IFT140: variants seen among roughly 807,000 people sequenced by gnomAD.
IFT140 encodes intraflagellar transport protein 140 homolog.
In IFT140, 133 loss-of-function variants were observed where a neutral mutation model predicts 164.6. The observed-to-expected ratio is 0.81, with a 90% CI of 0.70 to 0.93. The LOEUF (loss-of-function observed/expected upper bound fraction) is 0.93, where lower values mean the gene tolerates loss of function less well. Ranked by LOEUF, IFT140 falls within the 40% of genes least tolerant of loss-of-function variation. The pLI, the probability that IFT140 is intolerant of heterozygous loss-of-function variation, is 0.00. For synonymous variants in IFT140, 860 were observed against 817.3 expected (o/e 1.05, Z -0.89); for missense variants, 2,045 against 1,972.3 (o/e 1.04, Z -0.70).
intron 19 of IFT140, chr16:1,542,058 G>T (rs772107738): frequency 2.5e-6 from 4 of 1,607,962 alleles, no homozygotes; most frequent in Non-Finnish European, 2.5e-6. Flanking sequence ...GGCCATGGCC[G>T]CTGCATTCCA....
chr16:1,522,034 C>T (rs1024318167), intron 26 of IFT140, among the ~76,000 whole-genome samples: 4 of 151,638 alleles, frequency 2.6e-5, no homozygotes, highest in Non-Finnish European at 5.9e-5. Context: ...ACCAGCCTGA[C>T]CAACATGGAG....
chr16:1,596,587 C>T (rs762040401), intron 4 of IFT140, among the ~76,000 whole-genome samples: 4 of 152,160 alleles, frequency 2.6e-5, no homozygotes, highest in African/African-American at 7.2e-5. Context: ...AGCAAACCCT[C>T]GTTCTGAGAG....
In IFT140 at chr16:1,571,387, T is replaced by C; in HGVS notation, c.1652+20A>G. The C allele has an allele frequency of 1.9e-6, 3 of 1,608,308 alleles. No individual in the cohort carries two copies. Among genetic ancestry groups the C allele is most frequent in the Non-Finnish European group, 2.5e-6 (3 of 1,178,268 alleles). On this transcript the variant is annotated intron_variant, in intron 14 of 30. Coordinates refer to ENST00000426508, the MANE Select transcript of IFT140 (RefSeq NM_014714.4). ...CTGACTAAAAAAATGTTCACACTTCTATTTGGAAAAAAAATTTACCTTCGG... is the reference window on the plus strand; with the variant it reads ...CTGACTAAAAAAATGTTCACACTTCCATTTGGAAAAAAAATTTACCTTCGG...
chr16:1,608,292 T>C (rs143775721), intron 2 of IFT140, among the ~76,000 whole-genome samples: 176 of 152,178 alleles, frequency 1.2e-3, no homozygotes, highest in Middle Eastern at 0.01. Context: ...CCTCAGTCAA[T>C]TTGGGGAAGT....
chr16:1,607,830 G>A (rs1348661459), intron 2 of IFT140, among the ~76,000 whole-genome samples: 1 of 152,160 alleles, frequency 6.6e-6, no homozygotes. Flanking sequence ...AATTTGTGTA[G>A]ACACAAGGTT....
intron 10 of IFT140, 101 bp downstream of exon 10, chr16:1,586,029 C>T: frequency 1.4e-6 from 2 of 1,452,560 alleles, no homozygotes; most frequent in South Asian, 1.1e-5. Flanking sequence ...CCTTGGCCTC[C>T]CAAAGTGCTG....
chr16:1,564,431 G>T lies in IFT140; in HGVS notation c.1902-269C>A, dbSNP rs1164585768. Among the ~76,000 whole-genome samples, 2 of 152,182 alleles carry T rather than the reference G, an allele frequency of 1.3e-5. No homozygotes were observed. The highest frequency in any genetic ancestry group is 1.5e-5 in the Non-Finnish European group (1 of 68,032). ...CTTTGATTCTGGAGGCCTTATGGGG[G>T]CCCAGAAGAATCCCCAAAGCAAAAG... On this transcript the variant is annotated intron_variant, in intron 16 of 30. Transcript: ENST00000426508. This position sits in a 1 kb window ranked among gnomAD's most constrained non-coding sequence, Gnocchi z 5.5.
At chr16:1,570,607 C>T (rs34016250) in intron 14 of IFT140, among the ~76,000 whole-genome samples, 1 of 152,204 alleles carries the variant, frequency 6.6e-6, no homozygotes, top group East Asian at 1.9e-4. Context: ...TTCCTTCGGC[C>T]TAAGTGCTCG....
intron 15 of IFT140, 77 bp from the exon 16 acceptor site, chr16:1,566,368 C>T (rs2033717968): frequency 6.9e-7 from 1 of 1,447,842 alleles, no homozygotes; most frequent in African/African-American, 1.4e-5. Flanking sequence ...AGGGGACTGA[C>T]ACAGCACATG....
intron 19 of IFT140, among the ~76,000 whole-genome samples, chr16:1,543,003 G>A (rs2050118): frequency 0.25 from 38,726 of 152,184 alleles, 5,504 homozygotes; most frequent in African/African-American, 0.37. Flanking sequence ...GACCCCCAGC[G>A]ACCCCAGGGG....
intron 26 of IFT140, among the ~76,000 whole-genome samples, chr16:1,521,563 A>AT (rs895633332): frequency 3.3e-5 from 5 of 150,342 alleles, no homozygotes; most frequent in African/African-American, 9.8e-5. Flanking sequence ...TAATTTTGTA[A>AT]TTTTTTTTAG....
chr16:1,592,622 TG>T, intron 4 of IFT140, 34 bp from the exon 5 acceptor site: 2 of 1,589,602 alleles, frequency 1.3e-6, no homozygotes, highest in South Asian at 2.2e-5. Context: ...TTAGGACAGG[TG>T]TCCCGGCAGA....
Position 1,520,096 on chromosome 16 carries a change from C to T in IFT140, c.3873+35G>A, listed in dbSNP as rs149277718. The T allele has an allele frequency of 9.0e-4, 1,456 of 1,610,924 alleles. 15 individuals carry two copies. The African/African-American group carries it at 0.017, about 19-fold the overall frequency. ...ACCTGCCGGGCTCCACAGCCCTCCCCGGGGCCCCGCTGGCATGCCAGGGAG... is the reference window on the plus strand; with the variant it reads ...ACCTGCCGGGCTCCACAGCCCTCCCTGGGGCCCCGCTGGCATGCCAGGGAG... On this transcript the variant is annotated intron_variant, in intron 28 of 30. Transcript: ENST00000426508.
chr16:1,603,721 T>C (rs1478159669), intron 3 of IFT140, among the ~76,000 whole-genome samples: 1 of 152,228 alleles, frequency 6.6e-6, no homozygotes, highest in Non-Finnish European at 1.5e-5. Flanking sequence ...GACTTCATGA[T>C]CTGCCCGCCT....
chr16:1,537,004 C>G (rs899910736), intron 19 of IFT140, among the ~76,000 whole-genome samples: 51 of 152,250 alleles, frequency 3.3e-4, no homozygotes, highest in African/African-American at 1.2e-3. Flanking sequence ...GGCAGCAGCT[C>G]TAGCCTGGCC....
chr16:1,602,258 G>T, intron 4 of IFT140, 112 bp downstream of exon 4: 2 of 947,756 alleles, frequency 2.1e-6, no homozygotes, highest in Non-Finnish European at 3.3e-6. Flanking sequence ...CATCTGACAA[G>T]ATCAACTGAA....
At chr16:1,517,133 G>A (rs1416280081) in intron 30 of IFT140, among the ~76,000 whole-genome samples, 2 of 152,184 alleles carry the variant, frequency 1.3e-5, no homozygotes, top group Non-Finnish European at 1.5e-5. Flanking sequence ...CACTTTGGGA[G>A]GTGGAGGCGG....
At chr16:1,530,529 C>T (rs531357764) in intron 19 of IFT140, among the ~76,000 whole-genome samples, 9 of 152,320 alleles carry the variant, frequency 5.9e-5, no homozygotes, top group East Asian at 3.9e-4. Flanking sequence ...CTACCTGCCC[C>T]GCGTGGCTCC....
chr16:1,534,123 A>G (rs2030801125), intron 19 of IFT140: 1 of 944,706 alleles, frequency 1.1e-6, no homozygotes, highest in Admixed American at 3.0e-5. Flanking sequence ...GAGGCGGCAC[A>G]CCTGGACCAT....
Sources: gnomAD v4.1 joint callset for allele counts (sites outside exome capture counted in the v4.1 genomes callset) on GRCh38, gnomAD v4.1.1 for gene constraint, Gnocchi (gnomAD v3.1) non-coding constraint, MANE v1.5 for transcripts, NCBI Gene and HGNC (gene_info 2026-07-23, HGNC 2026-07-21) for gene names.